The following CFAP61 variants were observed in gnomAD, a reference collection of about 807,000 sequenced individuals.
The protein encoded by CFAP61 is cilia- and flagella-associated protein 61.
Under a neutral mutation model 135.6 loss-of-function variants are expected in CFAP61, and 107 were observed. The ratio of observed to expected loss-of-function variants is 0.79; its 90% confidence interval spans 0.67 to 0.93. The LOEUF (loss-of-function observed/expected upper bound fraction) is 0.93. Ranked by LOEUF, CFAP61 falls within the 40% of genes least tolerant of loss-of-function variation. The pLI is 0.00. For synonymous variants in CFAP61, 575 were observed against 578.5 expected (o/e 0.99, Z 0.09); for missense variants, 1,507 against 1,556.2 (o/e 0.97, Z 0.53).
At chr20:20,298,444 G>T in intron 25 of CFAP61, 58 bp downstream of exon 25, 1 of 1,433,412 alleles carries the variant, frequency 7.0e-7, no homozygotes, top group South Asian at 1.2e-5. Flanking sequence ...TAATGTCTGT[G>T]AATGAGGGAC....
intron 26 of CFAP61, among the ~76,000 whole-genome samples, chr20:20,344,443 A>G (rs1480147253): frequency 2.0e-5 from 3 of 152,250 alleles, no homozygotes; most frequent in Non-Finnish European, 2.9e-5. Context: ...GAATAATCAT[A>G]ATTTATTTTC....
At chr20:20,138,520 G>A (rs537020922) in intron 8 of CFAP61, among the ~76,000 whole-genome samples, 5 of 152,342 alleles carry the variant, frequency 3.3e-5, no homozygotes, top group Non-Finnish European at 7.4e-5. Flanking sequence ...CACAGTCACT[G>A]CACTTTCTCT....
At chr20:20,098,524 G>C in intron 7 of CFAP61, 131 bp from the exon 8 acceptor site, 1 of 735,290 alleles carries the variant, frequency 1.4e-6, no homozygotes. Context: ...GAGAAGAATT[G>C]CTTGAACTGA....
At chr20:20,200,701 T>C in intron 17 of CFAP61, 1 of 984,070 alleles carries the variant, frequency 1.0e-6, no homozygotes, top group Non-Finnish European at 1.2e-6. Context: ...AAGGAAAGTG[T>C]AAGTTTAAAC....
chr20:20,148,413 C>T (rs1421210287), intron 9 of CFAP61, among the ~76,000 whole-genome samples: 2 of 152,136 alleles, frequency 1.3e-5, no homozygotes, highest in East Asian at 3.9e-4. Context: ...TTGTTTGTGT[C>T]ATCAGTGATT....
At chr20:20,260,489 C>T (rs935142650) in intron 20 of CFAP61, among the ~76,000 whole-genome samples, 2 of 152,172 alleles carry the variant, frequency 1.3e-5, no homozygotes, top group African/African-American at 4.8e-5. Flanking sequence ...TCAGTTTTGC[C>T]TGCTTTGTGA....
chr20:20,187,169 A>G lies in CFAP61; in HGVS notation c.1386-761A>G, dbSNP rs548051353. 3.9e-4 allele frequency among the ~76,000 whole-genome samples: 60 copies of G among 152,302 alleles called. No individual in the cohort carries two copies. The South Asian group carries it at 0.011, about 28-fold the overall frequency. ...TGACCAGAGACTCCATGTGTCATGT[A>G]GCTGACTCATGAGCCTCTCTATACC... On this transcript the variant is annotated intron_variant, in intron 13 of 26. Coordinates refer to ENST00000245957, the MANE Select transcript of CFAP61 (RefSeq NM_015585.4).
At chr20:20,173,421 A>G (rs572733728) in intron 13 of CFAP61, among the ~76,000 whole-genome samples, 1 of 152,354 alleles carries the variant, frequency 6.6e-6, no homozygotes, top group East Asian at 1.9e-4. Flanking sequence ...TCCCGCTGCT[A>G]CACACCCTTG....
chr20:20,354,179 A>G (rs1012628673), intron 26 of CFAP61, among the ~76,000 whole-genome samples: 2 of 152,196 alleles, frequency 1.3e-5, no homozygotes, highest in Non-Finnish European at 2.9e-5. Context: ...TTTCAACAAC[A>G]TGAATGAACC....
chr20:20,181,544 A>C lies in CFAP61; in HGVS notation c.1386-6386A>C, dbSNP rs558870939. ...AAGGGGCCACTTTGGGTGGGGCTTC[A>C]TCACTTCTTCACCGAGAGGTGTCAT... On this transcript the variant is annotated intron_variant, in intron 13 of 26. Transcript: ENST00000245957. Among the ~76,000 whole-genome samples, 15 of 152,260 alleles carry C rather than the reference A, an allele frequency of 9.9e-5. No individual in the cohort carries two copies. In the South Asian group the frequency reaches 2.9e-3, roughly 29 times the overall value.
intron 26 of CFAP61, among the ~76,000 whole-genome samples, chr20:20,354,729 C>A (rs555617341): frequency 1.3e-5 from 2 of 149,428 alleles, no homozygotes; most frequent in Non-Finnish European, 3.0e-5. Context: ...GAGGTGGTCA[C>A]ACTGTGAGAG....
chr20:20,136,752 T>C (rs4814945), intron 8 of CFAP61, among the ~76,000 whole-genome samples: 137,269 of 152,246 alleles, frequency 0.9, 62,696 homozygotes, highest in Middle Eastern at 0.99. Flanking sequence ...GTGCCTTATT[T>C]AGTTAGTCTG....
rs116450201 is a variant in CFAP61 at position 20,228,225 on chromosome 20, T to C, written c.1933-24T>C. 1,958 of 1,589,146 alleles carry C rather than the reference T, an allele frequency of 1.2e-3. 16 individuals carry two copies. In the African/African-American group the frequency reaches 0.018, roughly 15 times the overall value. ...CTGCTACGTTTTCTTTGACTCCTTC[T>C]TTGTCTTCGTATTTTTTTTCCAGAT... On this transcript the variant is annotated intron_variant, in intron 17 of 26. Coordinates refer to ENST00000245957, the MANE Select transcript of CFAP61 (RefSeq NM_015585.4).
chr20:20,081,874 G>T (rs758577057), intron 6 of CFAP61, among the ~76,000 whole-genome samples: 3 of 152,228 alleles, frequency 2.0e-5, no homozygotes, highest in Non-Finnish European at 4.4e-5. Context: ...GTGAGGAAGG[G>T]ATGTTTATTA....
chr20:20,103,749 A>G (rs533187883), intron 8 of CFAP61, among the ~76,000 whole-genome samples: 18 of 152,336 alleles, frequency 1.2e-4, no homozygotes, highest in African/African-American at 3.4e-4. Flanking sequence ...GGTGTTTGCA[A>G]ATCAAGCTGT....
At chr20:20,165,570 AC>A (rs376919162) in intron 11 of CFAP61, among the ~76,000 whole-genome samples, 5 of 151,542 alleles carry the variant, frequency 3.3e-5, no homozygotes, top group African/African-American at 1.2e-4. Flanking sequence ...TGGTCTGGAC[AC>A]TGGACGCTGC....
chr20:20,224,943 G>T (rs986773407), intron 17 of CFAP61, among the ~76,000 whole-genome samples: 22 of 152,122 alleles, frequency 1.4e-4, no homozygotes, highest in African/African-American at 5.3e-4. Context: ...TACTTTCTAT[G>T]AAGGAAATAA....
intron 26 of CFAP61, among the ~76,000 whole-genome samples, chr20:20,356,484 TCA>T (rs1233739695): frequency 8.1e-6 from 1 of 123,638 alleles, no homozygotes; most frequent in African/African-American, 3.3e-5. Context: ...GGGGAGGTGG[TCA>T]CAGTGTGAGG....
intron 8 of CFAP61, among the ~76,000 whole-genome samples, chr20:20,118,253 G>GTTCCTTCCTTTCTTTC (rs1201152599): frequency 7.2e-5 from 10 of 138,532 alleles, no homozygotes; most frequent in African/African-American, 2.5e-4. Flanking sequence ...TTTGAGGTAT[G>GTTCCTTCCTTTCTTTC]TTTCTTTCTT....
Sources: allele counts gnomAD v4.1 joint callset (sites outside exome capture counted in the v4.1 genomes callset), GRCh38; gene constraint gnomAD v4.1.1; transcripts MANE v1.5; gene names NCBI Gene and HGNC (gene_info 2026-07-23, HGNC 2026-07-21).